The following PTGES2 variants were observed in gnomAD, a reference collection of about 807,000 sequenced individuals.
PTGES2 encodes the protein prostaglandin E synthase 2, also known as GATE-binding factor 1.
PTGES2 carries 35 observed loss-of-function variants against 44.5 expected under a neutral mutation model. The ratio of observed to expected loss-of-function variants is 0.79; its 90% confidence interval spans 0.60 to 1.04. The LOEUF (loss-of-function observed/expected upper bound fraction) is 1.04. PTGES2 is among the 50% of genes least tolerant of loss of function. The pLI is 0.00. For synonymous variants in PTGES2, 221 were observed against 227.5 expected (o/e 0.97, Z 0.26); for missense variants, 517 against 521.4 (o/e 0.99, Z 0.08).
Position 128,123,085 on chromosome 9 carries a change from T to C in PTGES2, c.736A>G (p.Ile246Val), listed in dbSNP as rs1834484713. 2 of 1,611,988 alleles carry C rather than the reference T, an allele frequency of 1.2e-6. No homozygotes were observed. The highest frequency in any genetic ancestry group is 2.2e-5 in the South Asian group (2 of 91,070). Residue 246 changes from isoleucine (I) to valine (V), a missense_variant, in exon 5 of 7, where the codon ATC (isoleucine) becomes GTC (valine). Ile to Val is a conservative substitution (Grantham distance 29). Transcript: ENST00000338961. This position sits in a 1 kb window ranked among gnomAD's most constrained non-coding sequence, Gnocchi z 4.4. Reference sequence around the variant, plus strand: ...GGCGTGCGGTACACATTGGGGGAGATCAGGTGCACCAGCCAGTCGTCCGCC... The same window carrying C: ...GGCGTGCGGTACACATTGGGGGAGACCAGGTGCACCAGCCAGTCGTCCGCC... ...QWADDWLVHLISPNVYRTPTE... is the reference protein window; with the variant it reads ...QWADDWLVHLVSPNVYRTPTE...
chr9:128,125,333 C>T lies in PTGES2; in HGVS notation c.388G>A (p.Val130Met), dbSNP rs752511521. The T allele has an allele frequency of 2.2e-5, 35 of 1,614,030 alleles. No homozygotes were observed. The highest frequency in any genetic ancestry group is 3.0e-5 in the Non-Finnish European group (35 of 1,180,008). ...LDFHALPYQV[V>M]EVNPVRRAEI... Reference sequence around the variant, plus strand: ...GCCCTGCGCACAGGGTTCACCTCCACCACCTGGTAGGGCAGGGCATGGAAG... The same window carrying T: ...GCCCTGCGCACAGGGTTCACCTCCATCACCTGGTAGGGCAGGGCATGGAAG... The change falls in exon 2 of 7, where the codon GTG (valine) becomes ATG (methionine). Residue 130 changes from valine (V) to methionine (M), a missense_variant. Coordinates refer to ENST00000338961, the MANE Select transcript of PTGES2 (RefSeq NM_025072.7).
chr9:128,126,323 T>C (rs1834614267), intron 1 of PTGES2, among the ~76,000 whole-genome samples: 1 of 152,054 alleles, frequency 6.6e-6, no homozygotes, highest in African/African-American at 2.4e-5. Flanking sequence ...AGGTATAAAG[T>C]GTCTCAAGGC....
intron 6 of PTGES2, 139 bp from the exon 7 acceptor site, chr9:128,121,412 G>C (rs1406537694): frequency 9.2e-7 from 1 of 1,088,688 alleles, no homozygotes; most frequent in African/African-American, 1.6e-5. Context: ...CAACAGCACA[G>C]GTGAGGGTTT....
rs1323824751 is a variant in PTGES2, at chr9:128,123,024, C to T, written c.797G>A (p.Arg266His). Residue 266 changes from arginine to histidine, a missense_variant, in exon 5 of 7, where the codon CGC (arginine) becomes CAC (histidine). Transcript: ENST00000338961. This position sits in a 1 kb window ranked among gnomAD's most constrained non-coding sequence, Gnocchi z 4.4. The stretch of plus-strand genomic sequence containing the variant: ...CTCCACGGCTCCGAACTTGCCCTCG[C>T]GGACAATGTAGTCAAAGGACGCCAG... ...EALASFDYIV[R>H]EGKFGAVEGA... is the part of the protein sequence containing the mutation. The T allele has an allele frequency of 1.4e-5, 23 of 1,613,926 alleles. No individual in the cohort carries two copies. The highest frequency in any genetic ancestry group is 2.2e-5 in the East Asian group (1 of 44,882).
In PTGES2 at chr9:128,122,897, C is replaced by T. The variant is rs374568376; in HGVS notation, c.887+37G>A. ...ACCACTGCTCGTGGCACCGGAGGCT[C>T]GGGGACAGCAGGCCCCGGATGTGCA... On this transcript the variant is annotated intron_variant, in intron 5 of 6. Transcript: ENST00000338961. 2.9e-4 allele frequency: 466 copies of T among 1,607,910 alleles called. 6 individuals carry two copies. The South Asian group carries it at 4.0e-3, about 14-fold the overall frequency.
chr9:128,123,146 G>C lies in PTGES2; in HGVS notation c.687-12C>G. 1.2e-6 allele frequency: 2 copies of C among 1,606,348 alleles called. No homozygotes were observed. The highest frequency in any genetic ancestry group is 1.7e-6 in the Non-Finnish European group (2 of 1,179,704). ...ACTTCATCTCCTCCCTGCGGGCACG[G>C]GAGGGACTTCCTAAGCCAGGACCCG... On this transcript the variant is annotated splice_polypyrimidine_tract_variant and intron_variant, in intron 4 of 6. Coordinates refer to ENST00000338961, the MANE Select transcript of PTGES2 (RefSeq NM_025072.7). This position sits in a 1 kb window ranked among gnomAD's most constrained non-coding sequence, Gnocchi z 4.4.
At chr9:128,127,939 C>T (rs1201102780), upstream of PTGES2, 5 of 430,884 alleles carry the variant, frequency 1.2e-5, no homozygotes, top group African/African-American at 6.2e-5. Flanking sequence ...CAGACCGTTC[C>T]ATGCTTCCGC....
Position 128,123,861 on chromosome 9 carries a change from G to A in PTGES2, c.537-10C>T, listed in dbSNP as rs1417769815. The stretch of plus-strand genomic sequence containing the variant: ...CTCTTCCAGGGGCTGCCTTCGGAGA[G>A]AGCCACAATATCACCCCAACTCCTT... On this transcript the variant is annotated splice_polypyrimidine_tract_variant and intron_variant, in intron 3 of 6. Coordinates refer to ENST00000338961, the MANE Select transcript of PTGES2 (RefSeq NM_025072.7). This position sits in a 1 kb window ranked among gnomAD's most constrained non-coding sequence, Gnocchi z 4.4. 5 of 1,611,548 alleles carry A rather than the reference G, an allele frequency of 3.1e-6. No homozygotes were observed. The highest frequency in any genetic ancestry group is 4.2e-6 in the Non-Finnish European group (5 of 1,178,032).
At position 128,121,282 on chromosome 9, in the gene PTGES2, C is replaced by A; in HGVS notation, c.1006-9G>T. 6.2e-7 allele frequency: 1 copy of A among 1,602,282 alleles called. No homozygotes were observed. Among genetic ancestry groups the A allele is most frequent in the South Asian group, 1.1e-5 (1 of 90,088 alleles). On this transcript the variant is annotated splice_polypyrimidine_tract_variant and intron_variant, in intron 6 of 6. Coordinates refer to ENST00000338961, the MANE Select transcript of PTGES2 (RefSeq NM_025072.7). Reference sequence around the variant, plus strand: ...AGCACGCCATACACCGCCTGGGGCACGAACAGAAACGTGTCACCATAGCTG... The same window carrying A: ...AGCACGCCATACACCGCCTGGGGCAAGAACAGAAACGTGTCACCATAGCTG...
chr9:128,122,579 G>T (rs1453451003), intron 5 of PTGES2, 100 bp from the exon 6 acceptor site: 1 of 984,452 alleles, frequency 1.0e-6, no homozygotes, highest in Admixed American at 1.9e-5. Context: ...TGGAAGCCAG[G>T]ACGGCACCCC....
intron 2 of PTGES2, 87 bp from the exon 3 acceptor site, chr9:128,124,637 T>C: frequency 5.0e-6 from 7 of 1,407,448 alleles, no homozygotes; most frequent in Non-Finnish European, 6.9e-6. Flanking sequence ...ACTCTGGGCA[T>C]TGTTTATCCA....
chr9:128,127,331 C>T, intron 1 of PTGES2, 108 bp downstream of exon 1: 1 of 1,027,096 alleles, frequency 9.7e-7, no homozygotes, highest in Non-Finnish European at 1.3e-6. Flanking sequence ...CCAAGTCACT[C>T]GCCCAAGGTC....
At chr9:128,128,195 C>T (rs983377667), upstream of PTGES2, 7 of 394,408 alleles carry the variant, frequency 1.8e-5, no homozygotes, top group Non-Finnish European at 3.1e-5. Flanking sequence ...CTCTGCCCTC[C>T]CGCCTCATTG....
upstream of PTGES2, chr9:128,128,169 C>CGGGTGGGCGG (rs1285936023): frequency 8.0e-6 from 1 of 125,214 alleles, no homozygotes; most frequent in African/African-American, 7.5e-5. Context: ...GACCCGGCAC[C>CGGGTGGGCGG]AGGTGTTGCG....
upstream of PTGES2, chr9:128,127,824 G>A (rs1834694499): frequency 4.5e-6 from 5 of 1,100,954 alleles, no homozygotes; most frequent in South Asian, 8.5e-5. Context: ...GCCGGGGTGA[G>A]GGCGACGCTA....
chr9:128,127,744 G>A (rs1425373740), upstream of PTGES2: 1 of 1,251,814 alleles, frequency 8.0e-7, no homozygotes, highest in Non-Finnish European at 1.0e-6. Context: ...CCGCGGGCGG[G>A]CGCGCGAAAC....
rs2130850644 is a variant in PTGES2, at chr9:128,123,630, C to T, written c.686+72G>A. On this transcript the variant is annotated intron_variant, in intron 4 of 6. Transcript: ENST00000338961. This position sits in a 1 kb window ranked among gnomAD's most constrained non-coding sequence, Gnocchi z 4.4. ...GCTGCTCCCTGCTCACGCCATCTTG[C>T]TCAGCTTGGTCCTACTCTACAGAAG... is the stretch of plus-strand genomic sequence containing the variant. The T allele has an allele frequency of 6.7e-7, 1 of 1,500,174 alleles. No homozygotes were observed. The highest frequency in any genetic ancestry group is 9.1e-7 in the Non-Finnish European group (1 of 1,097,568). The allele number at this position is 1,500,174 out of a possible 1,614,324, so 92.9% of individuals were successfully genotyped here. A position where few individuals can be genotyped will look rare whatever the true frequency, so the allele number is the denominator to read the frequency against.
In PTGES2 at chr9:128,123,669, C is replaced by G. The variant is rs1273695812; in HGVS notation, c.686+33G>C. ...ACTCTACAGAAGACCCCTGCGGTCACCACCTTCCCCCGCCAGCCCCAGCCC... is the reference window on the plus strand; with the variant it reads ...ACTCTACAGAAGACCCCTGCGGTCAGCACCTTCCCCCGCCAGCCCCAGCCC... On this transcript the variant is annotated intron_variant, in intron 4 of 6. Transcript: ENST00000338961. This position sits in a 1 kb window ranked among gnomAD's most constrained non-coding sequence, Gnocchi z 4.4. The G allele has an allele frequency of 6.2e-7, 1 of 1,601,804 alleles. No homozygotes were observed. Among genetic ancestry groups the G allele is most frequent in the African/African-American group, 1.3e-5 (1 of 74,744 alleles).
rs868734273 is a variant in PTGES2 at position 128,122,639 on chromosome 9, C to T, written c.888-160G>A. 39 of 660,328 alleles carry T rather than the reference C, an allele frequency of 5.9e-5. 2 individuals are homozygous for T. The highest frequency in any genetic ancestry group is 4.7e-4 in the African/African-American group (26 of 55,260). The allele number at this position is 660,328 out of a possible 1,614,324, so 40.9% of individuals were successfully genotyped here. On this transcript the variant is annotated intron_variant, in intron 5 of 6. Transcript: ENST00000338961. Reference sequence around the variant, plus strand: ...CGCCTCAGGGAGCATCCGTCCCAGACGGGGAGGCTGTGGTAAAGGCAAGAG... The same window carrying T: ...CGCCTCAGGGAGCATCCGTCCCAGATGGGGAGGCTGTGGTAAAGGCAAGAG...
Sources: allele counts gnomAD v4.1 joint callset (sites outside exome capture counted in the v4.1 genomes callset), GRCh38; gene constraint gnomAD v4.1.1; non-coding constraint Gnocchi (gnomAD v3.1); transcripts MANE v1.5; gene names NCBI Gene and HGNC (gene_info 2026-07-23, HGNC 2026-07-21).